Variants in SYNDIG1 observed in about 807,000 individuals in gnomAD.
SYNDIG1 encodes the protein synapse differentiation inducing 1.
In SYNDIG1, 9 loss-of-function variants were observed where a neutral mutation model predicts 19.4. The ratio of observed to expected loss-of-function variants is 0.46; its 90% CI spans 0.28 to 0.81. The LOEUF (loss-of-function observed/expected upper bound fraction) is 0.81, where lower values mean the gene tolerates loss of function less well. Among genes scored for constraint, SYNDIG1 ranks in the 30% least tolerant of loss-of-function variants. SYNDIG1 has a pLI of 0.12. For missense variants in SYNDIG1, 311 were observed against 343.3 expected (o/e 0.91, Z 0.74); for synonymous variants, 141 against 145.9 (o/e 0.97, Z 0.24).
chr20:24,474,630 A>G (rs530139947), intron 1 of SYNDIG1, among the ~76,000 whole-genome samples: 121 of 152,348 alleles, frequency 7.9e-4, no homozygotes, highest in African/African-American at 2.6e-3. Context: ...ATTTTTGTCA[A>G]TAACATTCAT....
At chr20:24,501,162 C>G (rs1209678135) in intron 1 of SYNDIG1, among the ~76,000 whole-genome samples, 1 of 152,150 alleles carries the variant, frequency 6.6e-6, no homozygotes, top group African/African-American at 2.4e-5. Flanking sequence ...TTTACATATT[C>G]CATCTATTTT....
At chr20:24,538,412 A>G (rs1387294404) in intron 1 of SYNDIG1, among the ~76,000 whole-genome samples, 3 of 152,184 alleles carry the variant, frequency 2.0e-5, no homozygotes, top group Non-Finnish European at 4.4e-5. Flanking sequence ...AGGTCCATCC[A>G]TGCTGTGGCC....
At chr20:24,470,857 C>G (rs559424142) in intron 1 of SYNDIG1, among the ~76,000 whole-genome samples, 3 of 152,186 alleles carry the variant, frequency 2.0e-5, no homozygotes, top group Admixed American at 6.5e-5. Flanking sequence ...ACGTCAGATG[C>G]GCTGGCGCCG....
intron 1 of SYNDIG1, among the ~76,000 whole-genome samples, chr20:24,532,380 T>C (rs549768455): frequency 1.3e-3 from 203 of 152,306 alleles, no homozygotes; most frequent in African/African-American, 4.4e-3. Context: ...ACATAGTGTA[T>C]GATTCCAGTT....
chr20:24,658,189 CAAGCAA>C lies in SYNDIG1; in HGVS notation c.619-7152_619-7147del, dbSNP rs1400039503. 3.3e-5 allele frequency among the ~76,000 whole-genome samples: 5 copies of C among 152,166 alleles called. No homozygotes were observed. Among genetic ancestry groups the C allele is most frequent in the African/African-American group, 1.2e-4 (5 of 41,436 alleles). ...CAGTGGGTATTTTCCAGCCAAAGGA[CAAGCAA>C]AAGCTCATTGGAAACTCCATGAAGA... On this transcript the variant is annotated intron_variant, in intron 3 of 3. Transcript: ENST00000376862. This position sits in a 1 kb window ranked among gnomAD's most constrained non-coding sequence, Gnocchi z 4.4.
At chr20:24,510,363 G>C (rs1459389673) in intron 1 of SYNDIG1, among the ~76,000 whole-genome samples, 4 of 151,464 alleles carry the variant, frequency 2.6e-5, no homozygotes, top group Non-Finnish European at 5.9e-5. Context: ...GAGGTCAGGA[G>C]TTCAAGACCA....
At chr20:24,594,817 G>A (rs757396736) in intron 3 of SYNDIG1, among the ~76,000 whole-genome samples, 2 of 151,944 alleles carry the variant, frequency 1.3e-5, no homozygotes, top group Non-Finnish European at 2.9e-5. Flanking sequence ...CTTGAATCTT[G>A]GGTGTTGTTG....
chr20:24,639,470 G>A (rs546692632), intron 3 of SYNDIG1, among the ~76,000 whole-genome samples: 9 of 152,124 alleles, frequency 5.9e-5, no homozygotes, highest in Admixed American at 2.0e-4. Context: ...AAGGCATCTC[G>A]GCATCTCCGG....
At chr20:24,655,736 T>C (rs1395458061) in intron 3 of SYNDIG1, among the ~76,000 whole-genome samples, 2 of 148,384 alleles carry the variant, frequency 1.3e-5, no homozygotes, top group African/African-American at 5.0e-5. Flanking sequence ...ATTCTACTCC[T>C]AGCTATATGA....
At position 24,658,480 on chromosome 20, in the gene SYNDIG1, G is replaced by T. The variant is rs1311118419; in HGVS notation, c.619-6866G>T. Among the ~76,000 whole-genome samples the T allele has an allele frequency of 6.6e-6, 1 of 152,080 alleles. No individual in the cohort carries two copies. Among genetic ancestry groups the T allele is most frequent in the Non-Finnish European group, 1.5e-5 (1 of 68,002 alleles). ...ACAGGCGCTCTGGCCGTACCCTGGGGGGTGAAAGCCCTTCCCCAGTGACCT... is the reference window on the plus strand; with the variant it reads ...ACAGGCGCTCTGGCCGTACCCTGGGTGGTGAAAGCCCTTCCCCAGTGACCT... On this transcript the variant is annotated intron_variant, in intron 3 of 3. Coordinates refer to ENST00000376862, the MANE Select transcript of SYNDIG1 (RefSeq NM_024893.3). This position sits in a 1 kb window ranked among gnomAD's most constrained non-coding sequence, Gnocchi z 4.4.
intron 3 of SYNDIG1, among the ~76,000 whole-genome samples, chr20:24,632,833 G>A (rs1441354067): frequency 6.6e-6 from 1 of 152,218 alleles, no homozygotes; most frequent in African/African-American, 2.4e-5. Flanking sequence ...CCAGACACAG[G>A]GATGACAAGC....
chr20:24,540,290 C>G (rs2057443457), intron 1 of SYNDIG1, among the ~76,000 whole-genome samples: 1 of 151,810 alleles, frequency 6.6e-6, no homozygotes, highest in Non-Finnish European at 1.5e-5. Flanking sequence ...TTTATTAGTT[C>G]TAATAGATTT....
At chr20:24,626,760 C>T (rs1269422131) in intron 3 of SYNDIG1, among the ~76,000 whole-genome samples, 69 of 152,338 alleles carry the variant, frequency 4.5e-4, no homozygotes, top group African/African-American at 1.5e-3. Flanking sequence ...GCCGAGATCA[C>T]GCCACTGCAC....
intron 3 of SYNDIG1, among the ~76,000 whole-genome samples, chr20:24,659,287 G>C (rs912169146): frequency 1.3e-5 from 2 of 152,192 alleles, no homozygotes; most frequent in Non-Finnish European, 2.9e-5. Flanking sequence ...GCCATGATTT[G>C]GGGCCTGCCT....
chr20:24,477,513 G>A (rs578242807), intron 1 of SYNDIG1, among the ~76,000 whole-genome samples: 1 of 152,244 alleles, frequency 6.6e-6, no homozygotes, highest in East Asian at 1.9e-4. Context: ...ACCTGGGACT[G>A]TAGCACCCAG....
intron 1 of SYNDIG1, among the ~76,000 whole-genome samples, chr20:24,510,100 T>C (rs901589094): frequency 6.6e-6 from 1 of 152,182 alleles, no homozygotes; most frequent in Admixed American, 6.5e-5. Context: ...GCTGAGCAAA[T>C]GCCAGCACCA....
At position 24,557,601 on chromosome 20, in the gene SYNDIG1, C is replaced by T. The variant is rs201674046; in HGVS notation, c.480+14024C>T. On this transcript the variant is annotated intron_variant, in intron 2 of 3. Coordinates refer to ENST00000376862, the MANE Select transcript of SYNDIG1 (RefSeq NM_024893.3). ...ACCCTGTTTGCCTGGGTATCAGCAGCGGTGGCTGCAGAACAGTGGATTTTC... is the reference window on the plus strand; with the variant it reads ...ACCCTGTTTGCCTGGGTATCAGCAGTGGTGGCTGCAGAACAGTGGATTTTC... Among the ~76,000 whole-genome samples, 53 of 152,274 alleles carry T rather than the reference C, an allele frequency of 3.5e-4. No individual in the cohort carries two copies. The East Asian group carries it at 8.3e-3, about 24-fold the overall frequency.
At chr20:24,571,328 AT>A (rs2058139359) in intron 2 of SYNDIG1, among the ~76,000 whole-genome samples, 1 of 152,124 alleles carries the variant, frequency 6.6e-6, no homozygotes, top group Non-Finnish European at 1.5e-5. Flanking sequence ...TACCAATGTC[AT>A]TTTCTGGATT....
intron 2 of SYNDIG1, among the ~76,000 whole-genome samples, chr20:24,563,488 A>G (rs2146893995): frequency 6.6e-6 from 1 of 152,308 alleles, no homozygotes; most frequent in African/African-American, 2.4e-5. Flanking sequence ...CTCACCCATC[A>G]CAATTGCCTA....
Sources: allele counts gnomAD v4.1 joint callset (sites outside exome capture counted in the v4.1 genomes callset), GRCh38; gene constraint gnomAD v4.1.1; non-coding constraint Gnocchi (gnomAD v3.1); transcripts MANE v1.5; gene names NCBI Gene and HGNC (gene_info 2026-07-23, HGNC 2026-07-21).